NLGN1: variants seen among roughly 807,000 people sequenced by gnomAD.
NLGN1 encodes the protein neuroligin-1.
In NLGN1, 12 loss-of-function variants were observed where a neutral mutation model predicts 65.5. That is an observed-to-expected ratio of 0.18 (90% CI 0.12 to 0.30). The LOEUF (loss-of-function observed/expected upper bound fraction) is 0.30, where lower values mean the gene tolerates loss of function less well. Among genes scored for constraint, NLGN1 ranks in the 10% least tolerant of loss-of-function variants. NLGN1 has a pLI of 1.00. For missense variants in NLGN1, 750 were observed against 1,007.1 expected (o/e 0.74, Z 3.46); for synonymous variants, 350 against 359.5 (o/e 0.97, Z 0.30).
chr3:174,043,994 T>C (rs924234915), intron 4 of NLGN1, among the ~76,000 whole-genome samples: 1 of 152,186 alleles, frequency 6.6e-6, no homozygotes, highest in Non-Finnish European at 1.5e-5. Flanking sequence ...ACCTCAATTC[T>C]TCACTTCTGC....
rs569365895 is a variant in NLGN1 at position 174,215,212 on chromosome 3, A to G, written c.647-60103A>G. 8.5e-5 allele frequency among the ~76,000 whole-genome samples: 13 copies of G among 152,292 alleles called. No individual in the cohort carries two copies. The South Asian group carries it at 2.7e-3, about 32-fold the overall frequency. Reference sequence around the variant, plus strand: ...TGGTTTCATTCAGTTCAGAAATTCAATAATCTTATACTGCAATTTATATTT... The same window carrying G: ...TGGTTTCATTCAGTTCAGAAATTCAGTAATCTTATACTGCAATTTATATTT... On this transcript the variant is annotated intron_variant, in intron 4 of 6. Transcript: ENST00000457714.
chr3:174,013,389 TG>T (rs1725922445), intron 4 of NLGN1, among the ~76,000 whole-genome samples: 1 of 152,154 alleles, frequency 6.6e-6, no homozygotes, highest in African/African-American at 2.4e-5. Flanking sequence ...TCCTCAAAAC[TG>T]GCTGAAATGA....
intron 3 of NLGN1, among the ~76,000 whole-genome samples, chr3:173,797,950 A>G (rs1714524338): frequency 6.6e-6 from 1 of 152,128 alleles, no homozygotes; most frequent in Non-Finnish European, 1.5e-5. Context: ...GCACTGGCTC[A>G]GTGGCTATAT....
intron 4 of NLGN1, among the ~76,000 whole-genome samples, chr3:174,157,461 G>T (rs1206058609): frequency 6.6e-6 from 1 of 151,524 alleles, no homozygotes; most frequent in Non-Finnish European, 1.5e-5. Context: ...TTCATCAATG[G>T]GTTTAGATAA....
At chr3:174,164,447 T>C (rs1727135684) in intron 4 of NLGN1, among the ~76,000 whole-genome samples, 1 of 151,890 alleles carries the variant, frequency 6.6e-6, no homozygotes, top group South Asian at 2.1e-4. Context: ...CACTTGTCAA[T>C]TTTTGGCTTT....
intron 4 of NLGN1, among the ~76,000 whole-genome samples, chr3:174,010,501 T>C (rs937099156): frequency 6.6e-6 from 1 of 152,114 alleles, no homozygotes; most frequent in African/African-American, 2.4e-5. Flanking sequence ...TCAAAATCCT[T>C]CAGGAATAAT....
intron 2 of NLGN1, among the ~76,000 whole-genome samples, chr3:173,560,524 A>ATT (rs3030773): frequency 1.5e-4 from 23 of 149,960 alleles, no homozygotes; most frequent in African/African-American, 4.9e-4. Flanking sequence ...CAACAGAATG[A>ATT]TTTTTTTTTT....
chr3:174,132,197 G>A (rs532812861), intron 4 of NLGN1, among the ~76,000 whole-genome samples: 3 of 152,196 alleles, frequency 2.0e-5, no homozygotes, highest in African/African-American at 7.2e-5. Flanking sequence ...ATAATACTTG[G>A]CAGCCTGGAG....
chr3:173,714,129 C>T (rs542482306), intron 3 of NLGN1, among the ~76,000 whole-genome samples: 5 of 152,180 alleles, frequency 3.3e-5, no homozygotes, highest in East Asian at 1.9e-4. Context: ...TATATAACAG[C>T]GTCTTTTGAA....
intron 4 of NLGN1, among the ~76,000 whole-genome samples, chr3:174,042,981 G>T (rs1476387249): frequency 2.6e-5 from 4 of 152,174 alleles, no homozygotes; most frequent in Non-Finnish European, 1.5e-5. Flanking sequence ...CATAGCTGGG[G>T]AGGCCTCAGG....
At chr3:173,469,917 C>T (rs1013835004) in intron 2 of NLGN1, among the ~76,000 whole-genome samples, 3 of 151,504 alleles carry the variant, frequency 2.0e-5, no homozygotes, top group Non-Finnish European at 4.4e-5. Context: ...AAACATTTAC[C>T]TCATTTGCTT....
chr3:173,518,686 T>C (rs1734263793), intron 2 of NLGN1, among the ~76,000 whole-genome samples: 1 of 152,058 alleles, frequency 6.6e-6, no homozygotes, highest in African/African-American at 2.4e-5. Flanking sequence ...TAACAACCTA[T>C]GCTCATATGT....
At chr3:173,763,178 C>T (rs1778248153) in intron 3 of NLGN1, among the ~76,000 whole-genome samples, 2 of 151,996 alleles carry the variant, frequency 1.3e-5, no homozygotes, top group Admixed American at 6.6e-5. Flanking sequence ...TTGTCAGTAG[C>T]TCATATACTG....
At chr3:173,866,994 T>C (rs567940747) in intron 4 of NLGN1, among the ~76,000 whole-genome samples, 42 of 152,224 alleles carry the variant, frequency 2.8e-4, no homozygotes, top group Non-Finnish European at 5.6e-4. Context: ...TATCTTTGAA[T>C]GTGTATGGCT....
At chr3:174,210,086 A>T (rs1736174797) in intron 4 of NLGN1, among the ~76,000 whole-genome samples, 1 of 152,136 alleles carries the variant, frequency 6.6e-6, no homozygotes, top group Non-Finnish European at 1.5e-5. Context: ...ACCCCAAATC[A>T]TCACATTATA....
At chr3:174,208,356 A>C (rs1241560944) in intron 4 of NLGN1, among the ~76,000 whole-genome samples, 1 of 152,220 alleles carries the variant, frequency 6.6e-6, no homozygotes, top group African/African-American at 2.4e-5. Context: ...CTGTAACTTA[A>C]TAAGTTTATT....
intron 4 of NLGN1, among the ~76,000 whole-genome samples, chr3:173,816,514 C>T (rs1223139482): frequency 1.3e-5 from 2 of 152,218 alleles, no homozygotes; most frequent in South Asian, 2.1e-4. Flanking sequence ...TTTTCTAAAA[C>T]GCTAGATTTA....
intron 3 of NLGN1, among the ~76,000 whole-genome samples, chr3:173,795,636 A>C (rs1343908188): frequency 1.6e-4 from 24 of 152,116 alleles, no homozygotes; most frequent in Admixed American, 1.6e-3. Flanking sequence ...ATTGTGTTTT[A>C]ATGTTTGTCA....
At chr3:174,129,058 G>C (rs1468474117) in intron 4 of NLGN1, among the ~76,000 whole-genome samples, 1 of 152,044 alleles carries the variant, frequency 6.6e-6, no homozygotes, top group East Asian at 1.9e-4. Context: ...AAACATGTAT[G>C]GTTAGCCTGT....
Sources: allele counts gnomAD v4.1 joint callset (sites outside exome capture counted in the v4.1 genomes callset), GRCh38; gene constraint gnomAD v4.1.1; transcripts MANE v1.5; gene names NCBI Gene and HGNC (gene_info 2026-07-23, HGNC 2026-07-21).